The following XRN1 variants were observed in gnomAD, a reference collection of about 807,000 sequenced individuals.
XRN1 encodes the protein 5'-3' exoribonuclease 1, also known as strand-exchange protein 1 homolog.
Under a neutral mutation model 222.3 loss-of-function variants are expected in XRN1, and 67 were observed. The ratio of observed to expected loss-of-function variants is 0.30; its 90% CI spans 0.25 to 0.37. The LOEUF (loss-of-function observed/expected upper bound fraction) is 0.37. Among genes scored for constraint, XRN1 ranks in the 10% least tolerant of loss-of-function variants. The pLI is 1.00. For missense variants in XRN1, 1,707 were observed against 2,000.2 expected (o/e 0.85, Z 2.80); for synonymous variants, 643 against 652.4 (o/e 0.99, Z 0.22).
intron 22 of XRN1, among the ~76,000 whole-genome samples, chr3:142,382,706 T>C (rs1198682576): frequency 2.6e-5 from 4 of 152,294 alleles, no homozygotes; most frequent in East Asian, 3.9e-4. Context: ...CATGTGCTCA[T>C]TGTGCTAAGG....
At position 142,307,131 on chromosome 3, in the gene XRN1, A is replaced by G. The variant is rs898011008; in HGVS notation, c.*4380T>C. On this transcript the variant is annotated 3_prime_UTR_variant, in exon 41 of 41. Transcript: ENST00000392981. ...ATACTTAAAGCCAAAAGACAAAAAA[A>G]TCCAAAAAACGAAAACAACCTCCCC... 2 of 152,336 alleles carry G rather than the reference A, an allele frequency of 1.3e-5. No homozygotes were observed. The highest frequency in any genetic ancestry group is 6.6e-5 in the Admixed American group (1 of 15,266). The allele number at this position is 152,336 out of a possible 1,614,324, so 9.4% of individuals were successfully genotyped here.
chr3:142,391,748 A>C, intron 20 of XRN1, among the ~76,000 whole-genome samples: 1 of 52,996 alleles, frequency 1.9e-5, no homozygotes, highest in East Asian at 5.3e-4. Context: ...AAAAAAAAAA[A>C]AATATATATA....
intron 1 of XRN1, among the ~76,000 whole-genome samples, chr3:142,438,768 T>G (rs957928394): frequency 3.3e-5 from 5 of 152,170 alleles, no homozygotes; most frequent in African/African-American, 1.2e-4. Flanking sequence ...CAGCTAGACC[T>G]CTTCTGTAGA....
chr3:142,335,382 A>C, intron 34 of XRN1, 66 bp downstream of exon 34: 1 of 1,460,000 alleles, frequency 6.8e-7, no homozygotes, highest in South Asian at 1.2e-5. Flanking sequence ...ATTCAGTCCA[A>C]TGCTACAGAG....
chr3:142,320,307 GCA>G (rs2065318888), intron 37 of XRN1, among the ~76,000 whole-genome samples: 2 of 152,012 alleles, frequency 1.3e-5, no homozygotes, highest in Admixed American at 1.3e-4. Context: ...CCTAAAATCT[GCA>G]CTTCTCTGGT....
chr3:142,377,034 C>A (rs2067165140), intron 23 of XRN1, among the ~76,000 whole-genome samples: 1 of 151,938 alleles, frequency 6.6e-6, no homozygotes, highest in African/African-American at 2.4e-5. Context: ...ATAGGTACAT[C>A]ATCAAAATCG....
At chr3:142,333,238 G>A in intron 34 of XRN1, 149 bp from the exon 35 acceptor site, 1 of 931,610 alleles carries the variant, frequency 1.1e-6, no homozygotes, top group Non-Finnish European at 1.5e-6. Context: ...GGAATAAATA[G>A]TTTTTTACCT....
chr3:142,432,569 T>C (rs1046299270), intron 2 of XRN1, 92 bp downstream of exon 2: 11 of 1,189,584 alleles, frequency 9.2e-6, no homozygotes, highest in Admixed American at 2.9e-5. Flanking sequence ...AAAATAAACA[T>C]GAACAGAAGA....
At chr3:142,388,153 A>T (rs984172715) in intron 20 of XRN1, among the ~76,000 whole-genome samples, 1 of 152,228 alleles carries the variant, frequency 6.6e-6, no homozygotes, top group African/African-American at 2.4e-5. Context: ...ACTTACATGC[A>T]GATTTTCCTC....
At chr3:142,396,819 A>C (rs1266895627) in intron 20 of XRN1, among the ~76,000 whole-genome samples, 1 of 152,090 alleles carries the variant, frequency 6.6e-6, no homozygotes, top group East Asian at 1.9e-4. Flanking sequence ...CTGGGGTGGG[A>C]TCATGGGACA....
At chr3:142,420,461 T>A (rs2068979067) in intron 10 of XRN1, 1 of 154,560 alleles carries the variant, frequency 6.5e-6, no homozygotes, top group Admixed American at 6.5e-5. Flanking sequence ...AACCTCTGTC[T>A]CCCAGGTTCA....
chr3:142,405,028 C>T lies in XRN1; in HGVS notation c.1762G>A (p.Glu588Lys). The T allele has an allele frequency of 6.2e-7, 1 of 1,614,014 alleles. No individual in the cohort carries two copies. The highest frequency in any genetic ancestry group is 1.6e-4 in the Middle Eastern group (1 of 6,062). ...CTATGTTGGTTTCTTTTCCTCTCTT[C>T]CTTTTTGAGGGAGTGGTTACATGTC... is the stretch of plus-strand genomic sequence containing the variant. ...METCNHSLKKEERKRNQHSEC... is the reference protein window; with the variant it reads ...METCNHSLKKKERKRNQHSEC... Residue 588 changes from glutamate (E) to lysine (K), a missense_variant, in exon 16 of 41, where the codon GAA becomes AAA. Glu to Lys is a moderately conservative substitution (Grantham distance 56). This residue lies in a region of XRN1 where 1,234 missense variants were observed against 1,518.2 expected (regional missense o/e 0.81). Coordinates refer to ENST00000392981, the MANE Select transcript of XRN1 (RefSeq NM_001282857.2).
Position 142,318,843 on chromosome 3 carries a change from G to C in XRN1, c.4465C>G (p.His1489Asp). ...TTCTCTTTGGCTTCATTTTCAGAGTGGCACTGTGGCCCATGTACCAGTAAG... is the reference window on the plus strand; with the variant it reads ...TTCTCTTTGGCTTCATTTTCAGAGTCGCACTGTGGCCCATGTACCAGTAAG... ...NGLLVHGPQC[H>D]SENEAKEKAA... The change falls in exon 38 of 41, where the codon CAC becomes GAC. Residue 1489 changes from histidine to aspartate, a missense_variant. Physicochemically the swap from His to Asp is moderately conservative, Grantham distance 81. This residue lies in a region of XRN1 where 473 missense variants were observed against 482.0 expected (regional missense o/e 0.98). Coordinates refer to ENST00000392981, the MANE Select transcript of XRN1 (RefSeq NM_001282857.2). 1 of 1,613,936 alleles carries C rather than the reference G, an allele frequency of 6.2e-7. No individual in the cohort carries two copies. The highest frequency in any genetic ancestry group is 1.1e-5 in the South Asian group (1 of 91,074).
intron 23 of XRN1, among the ~76,000 whole-genome samples, chr3:142,377,630 T>C (rs1044486375): frequency 6.6e-6 from 1 of 152,178 alleles, no homozygotes; most frequent in African/African-American, 2.4e-5. Context: ...TTTTGAGAAA[T>C]AATGGGTTTT....
At position 142,447,890 on chromosome 3, in the gene XRN1, C is replaced by T; in HGVS notation, c.55G>A (p.Glu19Lys). 2 of 1,613,856 alleles carry T rather than the reference C, an allele frequency of 1.2e-6. No homozygotes were observed. Among genetic ancestry groups the T allele is most frequent in the South Asian group, 1.1e-5 (1 of 91,054 alleles). ...WISERYPCLS[E>K]VVKEHQIPEF... ...CCCACCTGATGCTCTTTCACCACTT[C>T]GCTGAGACAGGGATACCGCTCTGAG... Residue 19 changes from glutamate (E) to lysine (K), a missense_variant, in exon 1 of 41, where the codon GAA (glutamate) becomes AAA (lysine). Glu to Lys is a moderately conservative substitution (Grantham distance 56, BLOSUM62 1). Coordinates refer to ENST00000392981, the MANE Select transcript of XRN1 (RefSeq NM_001282857.2). The surrounding 1 kb of genome is among the most constrained non-coding windows in gnomAD (Gnocchi z 4.2).
intron 27 of XRN1, among the ~76,000 whole-genome samples, chr3:142,369,571 C>G (rs1396331835): frequency 1.3e-5 from 2 of 150,440 alleles, no homozygotes; most frequent in African/African-American, 2.5e-5. Context: ...TCGCTTGAAT[C>G]TGGGAGGTGG....
chr3:142,407,893 A>T (rs2068407908), intron 15 of XRN1, among the ~76,000 whole-genome samples: 1 of 152,234 alleles, frequency 6.6e-6, no homozygotes, highest in Non-Finnish European at 1.5e-5. Context: ...ATGTATTCAC[A>T]GCAATGCTGA....
In XRN1 at chr3:142,397,339, T is replaced by C; in HGVS notation, c.2329A>G (p.Ile777Val). Residue 777 changes from isoleucine (I) to valine (V), a missense_variant, in exon 20 of 41, where the codon ATT becomes GTT. Transcript: ENST00000392981. ...TTTAACGATACTCACTGTTCTGAAA[T>C]TCCTTGTACTTCTTTTGCCCAGTTA... is the stretch of plus-strand genomic sequence containing the variant. ...QSNWAKEVQG[I>V]SEHYLRRKGI... 6.3e-7 allele frequency: 1 copy of C among 1,588,650 alleles called. No individual in the cohort carries two copies. Among genetic ancestry groups the C allele is most frequent in the Middle Eastern group, 1.7e-4 (1 of 5,932 alleles).
At chr3:142,356,763 C>G in intron 31 of XRN1, 149 bp downstream of exon 31, 1 of 691,378 alleles carries the variant, frequency 1.4e-6, no homozygotes, top group South Asian at 1.9e-5. Context: ...CTTTATTAGC[C>G]TAGTATCTTA....
Sources: allele counts gnomAD v4.1 joint callset (sites outside exome capture counted in the v4.1 genomes callset), GRCh38; gene constraint gnomAD v4.1.1; regional missense constraint gnomAD v4.1.1; non-coding constraint Gnocchi (gnomAD v3.1); transcripts MANE v1.5; gene names NCBI Gene and HGNC (gene_info 2026-07-23, HGNC 2026-07-21).